Variants in LHFPL2 observed in about 807,000 individuals in gnomAD.
The protein encoded by LHFPL2 is LHFPL tetraspan subfamily member 2.
In LHFPL2, 7 loss-of-function variants were observed where a neutral mutation model predicts 17.5. The observed-to-expected ratio is 0.40, with a 90% CI of 0.23 to 0.75. The LOEUF is 0.75. LHFPL2 is among the 30% of genes least tolerant of loss of function. The probability of loss-of-function intolerance (pLI) is 0.37; values close to 1 mark genes in which losing one functional copy is unlikely to be tolerated. For synonymous variants in LHFPL2, 134 were observed against 116.2 expected (o/e 1.15, Z -0.99); for missense variants, 241 against 294.8 (o/e 0.82, Z 1.34).
chr5:78,647,078 T>C (rs1745912596), intron 1 of LHFPL2, among the ~76,000 whole-genome samples: 1 of 152,190 alleles, frequency 6.6e-6, no homozygotes, highest in Non-Finnish European at 1.5e-5. Context: ...TATTATAAGA[T>C]AGTGTTTTAT....
chr5:78,509,022 C>T (rs143385790), intron 4 of LHFPL2, among the ~76,000 whole-genome samples: 3 of 152,308 alleles, frequency 2.0e-5, no homozygotes, highest in Non-Finnish European at 2.9e-5. Flanking sequence ...GGGAAGCCTA[C>T]GAAAATACTG....
At chr5:78,511,160 G>T (rs1303364490) in intron 3 of LHFPL2, among the ~76,000 whole-genome samples, 2 of 151,502 alleles carry the variant, frequency 1.3e-5, no homozygotes, top group South Asian at 2.1e-4. Context: ...ATTTTTAAAA[G>T]ACATTAATGA....
intron 1 of LHFPL2, chr5:78,644,533 T>A: frequency 1.7e-6 from 1 of 574,202 alleles, no homozygotes; most frequent in Non-Finnish European, 3.2e-6. Context: ...ACACTCAGAA[T>A]AGAACAAGAA....
chr5:78,507,941 T>TACACACACACAC (rs10562386), intron 4 of LHFPL2, among the ~76,000 whole-genome samples: 1 of 148,460 alleles, frequency 6.7e-6, no homozygotes, highest in South Asian at 2.2e-4. Flanking sequence ...TACACATGCA[T>TACACACACACAC]ACACACACAC....
At chr5:78,585,453 G>C (rs937928701) in intron 2 of LHFPL2, among the ~76,000 whole-genome samples, 1 of 152,100 alleles carries the variant, frequency 6.6e-6, no homozygotes, top group Admixed American at 6.5e-5. Context: ...GCAATGCCTC[G>C]CCCTGCTTCG....
chr5:78,577,748 T>G (rs1395139242), intron 2 of LHFPL2, among the ~76,000 whole-genome samples: 1 of 152,034 alleles, frequency 6.6e-6, no homozygotes, highest in Non-Finnish European at 1.5e-5. Context: ...TCCCAGGCCT[T>G]CCACACTTTC....
Position 78,571,217 on chromosome 5 carries a change from C to A in LHFPL2, c.-244-6346G>T, listed in dbSNP as rs115066211. The stretch of plus-strand genomic sequence containing the variant: ...CCATCACAGGTCATGGTGCTGTGCT[C>A]CTCTCCTTTTTTTGGCCTGTGTGGA... On this transcript the variant is annotated intron_variant, in intron 2 of 4. Transcript: ENST00000380345. 2.8e-3 allele frequency among the ~76,000 whole-genome samples: 431 copies of A among 152,224 alleles called. 2 individuals are homozygous for A. Among genetic ancestry groups the A allele is most frequent in the Non-Finnish European group, 4.9e-3 (332 of 68,014 alleles).
rs550011882 is a variant in LHFPL2 at position 78,585,298 on chromosome 5, C to T, written c.-244-20427G>A. ...CTGGGATTACAGGCGTGAGCCACCG[C>T]GCCCGGCCTGGTGCGCTGTTTTTTA... On this transcript the variant is annotated intron_variant, in intron 2 of 4. Transcript: ENST00000380345. Among the ~76,000 whole-genome samples the T allele has an allele frequency of 4.6e-5, 3 of 65,640 alleles. 1 individual carries two copies. The highest frequency in any genetic ancestry group is 8.1e-5 in the Non-Finnish European group (2 of 24,764). The allele number at this position is 65,640 out of a possible 152,430, so 43.1% of individuals were successfully genotyped here.
Position 78,489,020 on chromosome 5 carries a change from G to A in LHFPL2, c.564C>T (p.Ala188=), listed in dbSNP as rs1754347498. 1 of 1,614,204 alleles carries A rather than the reference G, an allele frequency of 6.2e-7. No individual in the cohort carries two copies. The highest frequency in any genetic ancestry group is 1.7e-5 in the Admixed American group (1 of 60,034). ...TGAAAGTGAGGACTGTGCCCCCAAT[G>A]GCGGTATAAAAGGCCCAGCCCAAGG... ...DCSLGWAFYT[A]IGGTVLTFIC... Residue 188 remains alanine (A), a synonymous_variant, in exon 5 of 5, where the codon GCC becomes GCT. Transcript: ENST00000380345.
chr5:78,616,991 T>G (rs1744640219), intron 2 of LHFPL2, among the ~76,000 whole-genome samples: 1 of 152,208 alleles, frequency 6.6e-6, no homozygotes, highest in Admixed American at 6.5e-5. Flanking sequence ...AAGTCCCTTT[T>G]AATGACAGTA....
At chr5:78,561,124 T>G (rs891454756) in intron 3 of LHFPL2, among the ~76,000 whole-genome samples, 33 of 152,222 alleles carry the variant, frequency 2.2e-4, no homozygotes, top group African/African-American at 7.7e-4. Context: ...CACATTTCAA[T>G]TAAGGCTCAA....
At chr5:78,500,024 G>GAA (rs1031385394) in intron 4 of LHFPL2, among the ~76,000 whole-genome samples, 3 of 66,076 alleles carry the variant, frequency 4.5e-5, no homozygotes, top group Admixed American at 1.1e-4. Flanking sequence ...GGACCAAAAG[G>GAA]AAAAAAAAAA....
chr5:78,616,348 C>T (rs1306773359), intron 2 of LHFPL2, among the ~76,000 whole-genome samples: 1 of 152,052 alleles, frequency 6.6e-6, no homozygotes, highest in East Asian at 1.9e-4. Flanking sequence ...AGGATGATCT[C>T]GATCTGCTGA....
chr5:78,566,276 G>C (rs912692105), intron 2 of LHFPL2, among the ~76,000 whole-genome samples: 1 of 152,192 alleles, frequency 6.6e-6, no homozygotes, highest in Admixed American at 6.5e-5. Flanking sequence ...AGCAGCACCA[G>C]TGTTAATCCA....
At chr5:78,551,511 G>A (rs564656736) in intron 3 of LHFPL2, among the ~76,000 whole-genome samples, 63 of 152,248 alleles carry the variant, frequency 4.1e-4, no homozygotes, top group African/African-American at 1.5e-3. Context: ...TCCAGGCCCT[G>A]GACACCACCT....
rs147580816 is a variant in LHFPL2 at position 78,548,491 on chromosome 5, G to A, written c.-186+16322C>T. On this transcript the variant is annotated intron_variant, in intron 3 of 4. Transcript: ENST00000380345. The stretch of plus-strand genomic sequence containing the variant: ...CTGGAGCCAGTAATAATTAAACTTG[G>A]TCTATGAAAGGAACACTGGAAAGGT... 1.4e-4 allele frequency among the ~76,000 whole-genome samples: 21 copies of A among 152,306 alleles called. 1 individual carries two copies. The South Asian group carries it at 1.4e-3, about 11-fold the overall frequency.
chr5:78,569,483 C>T (rs565323690), intron 2 of LHFPL2, among the ~76,000 whole-genome samples: 1 of 151,778 alleles, frequency 6.6e-6, no homozygotes, highest in East Asian at 1.9e-4. Flanking sequence ...GCTGGTGTAA[C>T]TTTTTTTTTA....
intron 3 of LHFPL2, among the ~76,000 whole-genome samples, chr5:78,564,040 T>C (rs1415141448): frequency 6.6e-6 from 1 of 152,172 alleles, no homozygotes; most frequent in African/African-American, 2.4e-5. Flanking sequence ...TGCAAATCCC[T>C]TCAACATGGC....
chr5:78,583,951 G>A (rs1263710697), intron 2 of LHFPL2, among the ~76,000 whole-genome samples: 1 of 151,894 alleles, frequency 6.6e-6, no homozygotes. Context: ...TTTTCACATA[G>A]TCCCATATTT....
Sources: gnomAD v4.1 joint callset for allele counts (sites outside exome capture counted in the v4.1 genomes callset) on GRCh38, gnomAD v4.1.1 for gene constraint, MANE v1.5 for transcripts, NCBI Gene and HGNC (gene_info 2026-07-23, HGNC 2026-07-21) for gene names.